C2CD3: variants seen among roughly 807,000 people sequenced by gnomAD.
C2CD3 encodes C2 domain-containing protein 3.
Under a neutral mutation model 234.0 loss-of-function variants are expected in C2CD3, and 148 were observed. The ratio of observed to expected loss-of-function variants is 0.63; its 90% CI spans 0.55 to 0.72. C2CD3 has a LOEUF of 0.72. Ranked by LOEUF, C2CD3 falls within the 30% of genes least tolerant of loss-of-function variation. C2CD3 has a pLI of 0.00. For synonymous variants in C2CD3, 1,000 were observed against 1,035.4 expected, an observed-to-expected ratio of 0.97 and a Z score of 0.66; for missense variants, 2,577 against 2,811.5, an observed-to-expected ratio of 0.92 and a Z score of 1.89.
At chr11:74,069,376 C>G (rs1366955256) in intron 24 of C2CD3, among the ~76,000 whole-genome samples, 1 of 152,172 alleles carries the variant, frequency 6.6e-6, no homozygotes, top group African/African-American at 2.4e-5. Context: ...TGCTATACCC[C>G]CCACAGGGTT....
At chr11:74,063,402 C>T (rs527761965) in intron 24 of C2CD3, among the ~76,000 whole-genome samples, 9 of 150,262 alleles carry the variant, frequency 6.0e-5, no homozygotes, top group Non-Finnish European at 1.0e-4. Flanking sequence ...AAACCGAATC[C>T]AGCAGCACAT....
chr11:74,103,379 G>C lies in C2CD3; in HGVS notation c.2332C>G (p.Pro778Ala), dbSNP rs768628457. Residue 778 changes from proline (P) to alanine (A), a missense_variant, in exon 14 of 33, where the codon CCT becomes GCT. Pro to Ala is a conservative substitution (Grantham distance 27). Coordinates refer to ENST00000334126, the MANE Select transcript of C2CD3 (RefSeq NM_001286577.2). ...GCTGGCGTAGCTACGAAGGTTGAAG[G>C]ATGTGGTGCTACAGGGCTTGGTGAC... ...RKSPSPVAPH[P>A]STFVATPASH... The C allele has an allele frequency of 1.9e-6, 3 of 1,614,202 alleles. No individual in the cohort carries two copies. Among genetic ancestry groups the C allele is most frequent in the Non-Finnish European group, 2.5e-6 (3 of 1,180,046 alleles).
At chr11:74,092,805 A>G (rs1360353556) in intron 18 of C2CD3, among the ~76,000 whole-genome samples, 1 of 152,072 alleles carries the variant, frequency 6.6e-6, no homozygotes, top group African/African-American at 2.4e-5. Context: ...GCTTCCCTCA[A>G]GTTTTCTGTG....
chr11:74,107,398 T>C (rs181809941), intron 12 of C2CD3, among the ~76,000 whole-genome samples: 4 of 152,208 alleles, frequency 2.6e-5, no homozygotes, highest in African/African-American at 9.6e-5. Flanking sequence ...AATATGTATA[T>C]GTTAAAAGTA....
chr11:74,094,971 T>C (rs1340374323), intron 17 of C2CD3, among the ~76,000 whole-genome samples: 2 of 152,124 alleles, frequency 1.3e-5, no homozygotes, highest in Non-Finnish European at 2.9e-5. Flanking sequence ...ATGCAAATAA[T>C]TGGTAGAACT....
At position 74,033,801 on chromosome 11, in the gene C2CD3, C is replaced by T; in HGVS notation, c.6359G>A (p.Arg2120Lys). Residue 2120 changes from arginine to lysine, a missense_variant, in exon 31 of 33, where the codon AGA becomes AAA. Arg to Lys is a conservative substitution (Grantham distance 26). Coordinates refer to ENST00000334126, the MANE Select transcript of C2CD3 (RefSeq NM_001286577.2). ...GCTACTTTTGACCATAAGCTCCTCT[C>T]TGCAGAAAGGCCCTGGAGAAGGACA... ...PSCPSPGPFC[R>K]EELMVKSSFL... 6.5e-7 allele frequency: 1 copy of T among 1,536,328 alleles called. No individual in the cohort carries two copies. The highest frequency in any genetic ancestry group is 1.2e-5 in the South Asian group (1 of 84,054).
chr11:74,054,406 A>AT (rs1004660681), intron 26 of C2CD3, among the ~76,000 whole-genome samples: 7 of 149,454 alleles, frequency 4.7e-5, no homozygotes, highest in Admixed American at 6.7e-5. Context: ...AAAAAAAAAA[A>AT]TTTTTTTTTT....
At chr11:74,121,596 G>A (rs1268031108) in intron 8 of C2CD3, among the ~76,000 whole-genome samples, 1 of 119,982 alleles carries the variant, frequency 8.3e-6, no homozygotes, top group Non-Finnish European at 1.6e-5. Context: ...GACAGAATGA[G>A]AGACTCCGTC....
intron 27 of C2CD3, 103 bp downstream of exon 27, chr11:74,049,234 T>C (rs993279725): frequency 2.2e-6 from 2 of 922,404 alleles, no homozygotes; most frequent in African/African-American, 3.3e-5. Flanking sequence ...ACATATAGTA[T>C]ATAACGTATT....
At chr11:74,170,214 C>T (rs1056537919) in intron 1 of C2CD3, among the ~76,000 whole-genome samples, 2 of 152,174 alleles carry the variant, frequency 1.3e-5, no homozygotes, top group African/African-American at 4.8e-5. Flanking sequence ...CCCACTCTTC[C>T]CGGCTCTATA....
chr11:74,046,717 G>GT (rs1232011939), intron 28 of C2CD3, among the ~76,000 whole-genome samples: 1 of 151,988 alleles, frequency 6.6e-6, no homozygotes, highest in Non-Finnish European at 1.5e-5. Context: ...ATTTCTTCTT[G>GT]TTTTTGAGTA....
intron 13 of C2CD3, among the ~76,000 whole-genome samples, chr11:74,105,126 A>T (rs1292392045): frequency 6.6e-6 from 1 of 152,142 alleles, no homozygotes. Flanking sequence ...TACCTTACTG[A>T]CTCTTTACGT....
intron 32 of C2CD3, among the ~76,000 whole-genome samples, chr11:74,017,696 T>C (rs981237663): frequency 1.3e-5 from 2 of 152,216 alleles, no homozygotes; most frequent in Non-Finnish European, 1.5e-5. Context: ...GATGAGCAGA[T>C]AATGCAAGAG....
intron 1 of C2CD3, among the ~76,000 whole-genome samples, chr11:74,169,914 T>C (rs1857050511): frequency 6.6e-6 from 1 of 152,174 alleles, no homozygotes; most frequent in Admixed American, 6.5e-5. Flanking sequence ...CTGTTCCCAA[T>C]ACTTCTTTTC....
At chr11:74,091,771 T>A (rs541948020) in intron 19 of C2CD3, among the ~76,000 whole-genome samples, 2 of 152,332 alleles carry the variant, frequency 1.3e-5, no homozygotes, top group Admixed American at 6.5e-5. Flanking sequence ...TTAGAATTTA[T>A]GGCATGAGGG....
At chr11:74,143,535 T>A (rs1214742372) in intron 3 of C2CD3, among the ~76,000 whole-genome samples, 2 of 145,862 alleles carry the variant, frequency 1.4e-5, no homozygotes, top group Admixed American at 6.9e-5. Context: ...TTTTATATAT[T>A]TATATATATA....
chr11:74,015,320 TC>T (rs1951840242), intron 32 of C2CD3, among the ~76,000 whole-genome samples: 1 of 152,242 alleles, frequency 6.6e-6, no homozygotes, highest in African/African-American at 2.4e-5. Flanking sequence ...TCTCATTCAT[TC>T]ATTCTAGAAC....
chr11:74,162,056 T>A (rs770292497), intron 2 of C2CD3, among the ~76,000 whole-genome samples: 4 of 152,124 alleles, frequency 2.6e-5, no homozygotes, highest in Non-Finnish European at 5.9e-5. Flanking sequence ...CCTCAAGTGA[T>A]CCCCTGATCT....
chr11:74,057,636 T>A, intron 24 of C2CD3, 92 bp from the exon 25 acceptor site: 2 of 1,315,654 alleles, frequency 1.5e-6, no homozygotes, highest in Non-Finnish European at 2.2e-6. Flanking sequence ...CTGGCCCTCT[T>A]CTTCCTATGG....
Sources: gnomAD v4.1 joint callset for allele counts (sites outside exome capture counted in the v4.1 genomes callset) on GRCh38, gnomAD v4.1.1 for gene constraint, MANE v1.5 for transcripts, NCBI Gene and HGNC (gene_info 2026-07-23, HGNC 2026-07-21) for gene names.